The following LINGO2 variants were observed in gnomAD, a reference collection of about 807,000 sequenced individuals.
LINGO2 encodes leucine-rich repeat and immunoglobulin-like domain-containing nogo receptor-interacting protein 2.
A neutral mutation model predicts 30.6 loss-of-function variants in LINGO2; 14 were observed. The observed-to-expected ratio is 0.46, with a 90% confidence interval of 0.30 to 0.72. The LOEUF is 0.72. LINGO2 is among the 30% of genes least tolerant of loss of function. The pLI, the probability that LINGO2 is intolerant of heterozygous loss-of-function variation, is 0.07. For synonymous variants in LINGO2, 317 were observed against 288.5 expected, an observed-to-expected ratio of 1.10 and a Z score of -1.00; for missense variants, 729 against 751.7, an observed-to-expected ratio of 0.97 and a Z score of 0.35.
the LINGO2 span, among the ~76,000 whole-genome samples, chr9:29,102,982 G>A: frequency 2.6e-5 from 4 of 151,892 alleles, no homozygotes; most frequent in South Asian, 6.2e-4. Flanking sequence ...AGCTGAAGAT[G>A]GAAATGATAA....
chr9:28,394,987 C>A (rs1448364335), intron 2 of LINGO2, among the ~76,000 whole-genome samples: 1 of 152,184 alleles, frequency 6.6e-6, no homozygotes, highest in African/African-American at 2.4e-5. Flanking sequence ...TGGCATGAGG[C>A]CATTGCTCTC....
At chr9:28,427,428 T>A (rs1823460199) in intron 2 of LINGO2, among the ~76,000 whole-genome samples, 3 of 152,200 alleles carry the variant, frequency 2.0e-5, no homozygotes, top group Non-Finnish European at 4.4e-5. Context: ...GCATTCATTG[T>A]GTACTTAGCA....
At chr9:29,126,064 A>T in the LINGO2 span, among the ~76,000 whole-genome samples, 2 of 152,126 alleles carry the variant, frequency 1.3e-5, no homozygotes, top group African/African-American at 4.8e-5. Flanking sequence ...GTACACCATT[A>T]TTTTTGGAAC....
At chr9:29,022,811 T>C in the LINGO2 span, among the ~76,000 whole-genome samples, 6 of 152,232 alleles carry the variant, frequency 3.9e-5, no homozygotes, top group Admixed American at 2.6e-4. Context: ...ATAACAGCAC[T>C]TATCAAGGCA....
chr9:28,744,775 T>G, the LINGO2 span, among the ~76,000 whole-genome samples: 1 of 151,634 alleles, frequency 6.6e-6, no homozygotes, highest in Non-Finnish European at 1.5e-5. Flanking sequence ...TAGCTGGGAC[T>G]ACATGTGCGT....
At chr9:28,168,821 C>T (rs1378123425) in intron 4 of LINGO2, among the ~76,000 whole-genome samples, 2 of 152,234 alleles carry the variant, frequency 1.3e-5, no homozygotes, top group Non-Finnish European at 2.9e-5. Flanking sequence ...CAGCTGTCAC[C>T]TCCATTTTCA....
chr9:28,937,159 A>G, the LINGO2 span, among the ~76,000 whole-genome samples: 1 of 152,144 alleles, frequency 6.6e-6, no homozygotes, highest in African/African-American at 2.4e-5. Flanking sequence ...TGGTCCCCCA[A>G]AATTCATGTT....
At chr9:28,842,069 G>A in the LINGO2 span, among the ~76,000 whole-genome samples, 1 of 151,056 alleles carries the variant, frequency 6.6e-6, no homozygotes, top group Admixed American at 6.6e-5. Context: ...ATATGAAACT[G>A]AACTAAGACA....
intron 1 of LINGO2, among the ~76,000 whole-genome samples, chr9:28,575,781 G>C (rs1823946476): frequency 6.6e-6 from 1 of 152,048 alleles, no homozygotes; most frequent in East Asian, 1.9e-4. Flanking sequence ...TACATTTTTA[G>C]AATTATCTTC....
At chr9:29,091,058 G>A in the LINGO2 span, among the ~76,000 whole-genome samples, 1 of 152,014 alleles carries the variant, frequency 6.6e-6, no homozygotes, top group Non-Finnish European at 1.5e-5. Context: ...TCATGAAAAT[G>A]AAATAAGATT....
intron 2 of LINGO2, among the ~76,000 whole-genome samples, chr9:28,387,483 C>G (rs1470470956): frequency 2.0e-5 from 3 of 152,200 alleles, no homozygotes; most frequent in Admixed American, 6.5e-5. Context: ...CAGCAACCTC[C>G]TGGGGGCCCC....
the LINGO2 span, among the ~76,000 whole-genome samples, chr9:28,944,852 A>G: frequency 6.6e-6 from 1 of 152,132 alleles, no homozygotes; most frequent in African/African-American, 2.4e-5. Flanking sequence ...AATGTTTTTT[A>G]CCTGTGTGCA....
At chr9:28,639,721 T>C (rs879325700) in intron 1 of LINGO2, among the ~76,000 whole-genome samples, 1 of 152,166 alleles carries the variant, frequency 6.6e-6, no homozygotes, top group Non-Finnish European at 1.5e-5. Flanking sequence ...TGTCTCTGCA[T>C]GTGAGGTGGG....
chr9:28,459,497 G>A (rs1824989020), intron 2 of LINGO2, among the ~76,000 whole-genome samples: 1 of 112,890 alleles, frequency 8.9e-6, no homozygotes, highest in African/African-American at 2.7e-5. Flanking sequence ...TTTTCTATGT[G>A]CCAGAAAAAA....
At chr9:28,433,962 TATATAC>T (rs1037043061) in intron 2 of LINGO2, among the ~76,000 whole-genome samples, 11 of 140,804 alleles carry the variant, frequency 7.8e-5, no homozygotes, top group African/African-American at 2.3e-4. Flanking sequence ...TATATATATA[TATATAC>T]ACACACACAC....
chr9:28,153,999 G>T (rs1225133163), intron 4 of LINGO2, among the ~76,000 whole-genome samples: 1 of 152,114 alleles, frequency 6.6e-6, no homozygotes, highest in Non-Finnish European at 1.5e-5. Flanking sequence ...GCCCCACAGA[G>T]ATGAGATGAA....
chr9:28,389,110 C>A (rs1821720550), intron 2 of LINGO2, among the ~76,000 whole-genome samples: 1 of 152,114 alleles, frequency 6.6e-6, no homozygotes. Context: ...CCCTTTATGT[C>A]TTTAGAATCT....
At chr9:28,868,298 C>T in the LINGO2 span, among the ~76,000 whole-genome samples, 1 of 152,036 alleles carries the variant, frequency 6.6e-6, no homozygotes, top group Non-Finnish European at 1.5e-5. Flanking sequence ...GGGTTTAGTT[C>T]ACTGTCAAAG....
At chr9:27,973,662 C>A (rs917524730) in intron 5 of LINGO2, among the ~76,000 whole-genome samples, 2 of 152,144 alleles carry the variant, frequency 1.3e-5, no homozygotes, top group Non-Finnish European at 2.9e-5. Flanking sequence ...TTAGCCCAGC[C>A]TTTGGGTTTT....
Sources: allele counts gnomAD v4.1 joint callset (sites outside exome capture counted in the v4.1 genomes callset), GRCh38; gene constraint gnomAD v4.1.1; transcripts MANE v1.5; gene names NCBI Gene and HGNC (gene_info 2026-07-23, HGNC 2026-07-21).